Variants in AMBRA1 observed in about 807,000 individuals in gnomAD.
The protein encoded by AMBRA1 is activating molecule in BECN1-regulated autophagy protein 1.
AMBRA1 carries 47 observed loss-of-function variants against 125.4 expected under a neutral mutation model. The observed-to-expected ratio is 0.37, with a 90% confidence interval of 0.30 to 0.48. AMBRA1 has a LOEUF of 0.48. Among genes scored for constraint, AMBRA1 ranks in the 20% least tolerant of loss-of-function variants. The pLI, the probability that AMBRA1 is intolerant of heterozygous loss-of-function variation, is 0.99. For missense variants in AMBRA1, 1,331 were observed against 1,693.4 expected (o/e 0.79, Z 3.76); for synonymous variants, 626 against 655.5 (o/e 0.95, Z 0.69).
chr11:46,554,282 T>TA (rs920376993), intron 1 of AMBRA1, among the ~76,000 whole-genome samples: 78 of 151,462 alleles, frequency 5.1e-4, no homozygotes, highest in African/African-American at 1.7e-3. Flanking sequence ...AAATAAAAAA[T>TA]AAAAAAAACC....
chr11:46,566,367 G>A (rs1244822003), intron 1 of AMBRA1, among the ~76,000 whole-genome samples: 11 of 151,720 alleles, frequency 7.3e-5, no homozygotes, highest in East Asian at 1.9e-4. Context: ...GCAGTGAGCC[G>A]AGATTGAGCC....
chr11:46,519,894 C>T (rs951551045), intron 7 of AMBRA1, among the ~76,000 whole-genome samples: 6 of 152,120 alleles, frequency 3.9e-5, no homozygotes, highest in Non-Finnish European at 7.4e-5. Flanking sequence ...AATCCCAGCA[C>T]TTTGGGAGGC....
At chr11:46,421,440 T>C (rs537465334) in intron 14 of AMBRA1, among the ~76,000 whole-genome samples, 2 of 152,308 alleles carry the variant, frequency 1.3e-5, no homozygotes, top group Non-Finnish European at 2.9e-5. Context: ...TGATAAGCAC[T>C]TGCTTGCTTA....
intron 3 of AMBRA1, 37 bp from the exon 4 acceptor site, chr11:46,547,333 T>TTG (rs1272504438): frequency 1.2e-5 from 18 of 1,552,242 alleles, no homozygotes; most frequent in Non-Finnish European, 1.6e-5. Context: ...TTCAGAAGCA[T>TTG]GTGGAAGGGT....
At chr11:46,424,127 A>T (rs1395828287) in intron 14 of AMBRA1, among the ~76,000 whole-genome samples, 1 of 152,184 alleles carries the variant, frequency 6.6e-6, no homozygotes, top group African/African-American at 2.4e-5. Context: ...GGAAATTTTT[A>T]AAAAATCAAA....
intron 15 of AMBRA1, among the ~76,000 whole-genome samples, chr11:46,414,277 G>A (rs553700412): frequency 2.0e-5 from 3 of 152,298 alleles, no homozygotes; most frequent in Admixed American, 1.3e-4. Context: ...CCAGCACCTG[G>A]CTCTTAGAGC....
chr11:46,420,126 A>G (rs1449198364), intron 14 of AMBRA1, among the ~76,000 whole-genome samples: 1 of 152,078 alleles, frequency 6.6e-6, no homozygotes. Context: ...TTTTACAGAC[A>G]TGGAACTGGT....
At chr11:46,558,998 T>C (rs1218086130) in intron 1 of AMBRA1, among the ~76,000 whole-genome samples, 2 of 152,114 alleles carry the variant, frequency 1.3e-5, no homozygotes, top group Non-Finnish European at 2.9e-5. Flanking sequence ...ACAAGTCAAA[T>C]ACCTTAAAAA....
At chr11:46,447,613 T>C (rs1948356467) in intron 11 of AMBRA1, among the ~76,000 whole-genome samples, 1 of 151,922 alleles carries the variant, frequency 6.6e-6, no homozygotes, top group South Asian at 2.1e-4. Flanking sequence ...CCCAGGAGAC[T>C]GAGGTGGGAT....
At chr11:46,517,302 C>G (rs1384264444) in intron 7 of AMBRA1, among the ~76,000 whole-genome samples, 1 of 151,158 alleles carries the variant, frequency 6.6e-6, no homozygotes, top group Non-Finnish European at 1.5e-5. Context: ...CGTCCACCAC[C>G]ACACCCAGCT....
At chr11:46,436,745 G>A (rs945469931) in intron 12 of AMBRA1, among the ~76,000 whole-genome samples, 3 of 152,218 alleles carry the variant, frequency 2.0e-5, no homozygotes, top group Admixed American at 2.0e-4. Flanking sequence ...GGAACTGGGA[G>A]AAGTTTCAGA....
chr11:46,590,836 C>T (rs2044569692), intron 1 of AMBRA1, among the ~76,000 whole-genome samples: 1 of 151,720 alleles, frequency 6.6e-6, no homozygotes, highest in Admixed American at 6.6e-5. Context: ...TTGCTTCAAT[C>T]CGGGAAGTGG....
In AMBRA1 at chr11:46,447,798, G is replaced by A. The variant is rs188187299; in HGVS notation, c.2522-4200C>T. On this transcript the variant is annotated intron_variant, in intron 11 of 17. Coordinates refer to ENST00000683756, the MANE Select transcript of AMBRA1 (RefSeq NM_001387011.1). ...TAGATAGTGATGGCAAATACTAAGTGCATAATAAATGGCCTTTAAAATTAT... is the reference window on the plus strand; with the variant it reads ...TAGATAGTGATGGCAAATACTAAGTACATAATAAATGGCCTTTAAAATTAT... Among the ~76,000 whole-genome samples, 9 of 152,114 alleles carry A rather than the reference G, an allele frequency of 5.9e-5. 1 individual carries two copies. Among genetic ancestry groups the A allele is most frequent in the Admixed American group, 2.0e-4 (3 of 15,280 alleles).
intron 12 of AMBRA1, among the ~76,000 whole-genome samples, chr11:46,439,929 A>G (rs1947918939): frequency 1.3e-5 from 2 of 151,990 alleles, no homozygotes; most frequent in South Asian, 4.2e-4. Context: ...TTTTTTTAAC[A>G]TATCAGATTT....
chr11:46,573,057 C>T (rs973599089), intron 1 of AMBRA1, among the ~76,000 whole-genome samples: 3 of 148,804 alleles, frequency 2.0e-5, no homozygotes, highest in South Asian at 2.1e-4. Flanking sequence ...GCCAAGATCG[C>T]GCCATTGCAC....
intron 11 of AMBRA1, among the ~76,000 whole-genome samples, chr11:46,490,123 T>C (rs368898575): frequency 1.1e-4 from 16 of 152,354 alleles, no homozygotes; most frequent in Admixed American, 2.6e-4. Context: ...TCAGTTGCTG[T>C]GACTACACAG....
intron 1 of AMBRA1, among the ~76,000 whole-genome samples, chr11:46,568,803 C>CTTTTTTTTTTTTTTTTT (rs774631588): frequency 3.6e-4 from 35 of 96,478 alleles, no homozygotes; most frequent in African/African-American, 1.6e-3. Flanking sequence ...TCAACCCTAC[C>CTTTTTTTTTTTTTTTTT]TTTTTTTTTT....
Position 46,542,564 on chromosome 11 carries a change from T to C in AMBRA1, c.1453A>G (p.Asn485Asp). The C allele has an allele frequency of 1.2e-6, 2 of 1,613,390 alleles. No individual in the cohort carries two copies. Among genetic ancestry groups the C allele is most frequent in the East Asian group, 4.5e-5 (2 of 44,882 alleles). The change falls in exon 7 of 18, where the codon AAT (asparagine) becomes GAT (aspartate). Residue 485 changes from asparagine (N) to aspartate (D), a missense_variant. By Grantham distance (23) the Asn-to-Asp change is conservative. This residue lies in a region of AMBRA1 where 689 missense variants were observed against 776.5 expected (regional missense o/e 0.89). Coordinates refer to ENST00000683756, the MANE Select transcript of AMBRA1 (RefSeq NM_001387011.1). This position sits in a 1 kb window ranked among gnomAD's most constrained non-coding sequence, Gnocchi z 5.9. Reference protein sequence around the residue: ...SGLATESDGGNGSSQNNSGSI... With the variant: ...SGLATESDGGDGSSQNNSGSI... ...CCCGAGTTGTTTTGGCTGGAGCCAT[T>C]CCCTCCATCTGACTCAGTTGCCAAC...
chr11:46,460,300 G>A (rs955324839), intron 11 of AMBRA1, among the ~76,000 whole-genome samples: 8 of 151,238 alleles, frequency 5.3e-5, no homozygotes, highest in East Asian at 1.9e-4. Flanking sequence ...ATATGCATAC[G>A]ACCCCATTTA....
Sources: allele counts gnomAD v4.1 joint callset (sites outside exome capture counted in the v4.1 genomes callset), GRCh38; gene constraint gnomAD v4.1.1; regional missense constraint gnomAD v4.1.1; non-coding constraint Gnocchi (gnomAD v3.1); transcripts MANE v1.5; gene names NCBI Gene and HGNC (gene_info 2026-07-23, HGNC 2026-07-21).